LY75: variants seen among roughly 807,000 people sequenced by gnomAD.
LY75 encodes the protein C-type lectin domain family 13 member B.
In LY75, 185 loss-of-function variants were observed where a neutral mutation model predicts 231.7. The ratio of observed to expected loss-of-function variants is 0.80; its 90% confidence interval spans 0.71 to 0.90. The LOEUF is 0.90. Ranked by LOEUF, LY75 falls within the 40% of genes least tolerant of loss-of-function variation. LY75 has a pLI of 0.00. For synonymous variants in LY75, 668 were observed against 689.0 expected (o/e 0.97, Z 0.48); for missense variants, 1,947 against 2,050.2 (o/e 0.95, Z 0.97).
At chr2:159,814,308 T>C (rs756671507) in intron 31 of LY75, among the ~76,000 whole-genome samples, 1 of 152,104 alleles carries the variant, frequency 6.6e-6, no homozygotes, top group African/African-American at 2.4e-5. Context: ...ATTTGGAAAA[T>C]GCTTGGTTAC....
Position 159,860,906 on chromosome 2 carries a change from G to A in LY75, c.2200-17C>T. 1.9e-6 allele frequency: 3 copies of A among 1,613,680 alleles called. No homozygotes were observed. The highest frequency in any genetic ancestry group is 2.5e-6 in the Non-Finnish European group (3 of 1,179,730). ...AGTAGACACCTGAAAAGACAAGAGAGGCTTGAGAATTTAAGACTGATGTAT... is the reference window on the plus strand; with the variant it reads ...AGTAGACACCTGAAAAGACAAGAGAAGCTTGAGAATTTAAGACTGATGTAT... On this transcript the variant is annotated splice_polypyrimidine_tract_variant and intron_variant, in intron 14 of 34. Coordinates refer to ENST00000263636, the MANE Select transcript of LY75 (RefSeq NM_002349.4).
intron 25 of LY75, among the ~76,000 whole-genome samples, chr2:159,837,197 T>G (rs1369984614): frequency 2.0e-5 from 3 of 152,176 alleles, no homozygotes; most frequent in Non-Finnish European, 4.4e-5. Flanking sequence ...CTCATATGTT[T>G]ATTGTAGCAC....
chr2:159,867,407 T>C (rs1172035373), intron 13 of LY75, among the ~76,000 whole-genome samples: 2 of 152,132 alleles, frequency 1.3e-5, no homozygotes, highest in Non-Finnish European at 2.9e-5. Context: ...CTTCCAATGT[T>C]GATTTTAGAA....
intron 28 of LY75, among the ~76,000 whole-genome samples, chr2:159,823,838 C>T (rs572970933): frequency 8.5e-5 from 13 of 152,274 alleles, no homozygotes; most frequent in African/African-American, 2.9e-4. Flanking sequence ...AATTTCATAT[C>T]CAGCCAAACT....
At chr2:159,848,689 G>T (rs1196737205) in intron 23 of LY75, among the ~76,000 whole-genome samples, 1 of 152,150 alleles carries the variant, frequency 6.6e-6, no homozygotes, top group Non-Finnish European at 1.5e-5. Flanking sequence ...AAAAGCCCTA[G>T]AAGAAAAGAT....
At chr2:159,853,157 GAAT>G in intron 20 of LY75, 113 bp downstream of exon 20, 1 of 1,089,022 alleles carries the variant, frequency 9.2e-7, no homozygotes, top group Non-Finnish European at 1.3e-6. Flanking sequence ...TAATAAATCA[GAAT>G]AAGATGAAAT....
intron 8 of LY75, among the ~76,000 whole-genome samples, chr2:159,879,683 A>G (rs1685377444): frequency 6.6e-6 from 1 of 152,182 alleles, no homozygotes; most frequent in Non-Finnish European, 1.5e-5. Context: ...CAGTTCCAGC[A>G]TTCTAGTCTT....
chr2:159,830,009 A>G (rs566912696), intron 28 of LY75, among the ~76,000 whole-genome samples: 8 of 152,330 alleles, frequency 5.3e-5, no homozygotes, highest in African/African-American at 1.9e-4. Flanking sequence ...GTGAAGCCTC[A>G]GAATTTTCCA....
Position 159,853,347 on chromosome 2 carries a change from C to G in LY75, c.2669G>C (p.Arg890Pro). Residue 890 changes from arginine (R) to proline (P), a missense_variant, in exon 20 of 35, where the codon CGA becomes CCA. Physicochemically the swap from Arg to Pro is moderately radical, Grantham distance 103. Transcript: ENST00000263636. ...WPIDDHFTYS[R>P]YPWHRFPVTF... ...CACAGGAAAGCGGTGCCATGGATAT[C>G]GTGAGCTAAAAGAAAATGACAGATT... 1 of 1,612,822 alleles carries G rather than the reference C, an allele frequency of 6.2e-7. No individual in the cohort carries two copies. The highest frequency in any genetic ancestry group is 8.5e-7 in the Non-Finnish European group (1 of 1,179,098).
At chr2:159,831,529 G>T in intron 28 of LY75, 141 bp downstream of exon 28, 1 of 871,684 alleles carries the variant, frequency 1.1e-6, no homozygotes, top group Non-Finnish European at 1.8e-6. Flanking sequence ...AAACTGTCTT[G>T]GTATTTATGT....
chr2:159,842,175 C>CTATATATATATA, intron 24 of LY75, 70 bp downstream of exon 24: 1 of 1,407,152 alleles, frequency 7.1e-7, no homozygotes, highest in African/African-American at 1.8e-5. Context: ...TAGAAAGTGA[C>CTATATATATATA]TCTCTCTCTC....
intron 14 of LY75, among the ~76,000 whole-genome samples, chr2:159,864,419 T>C (rs1366565849): frequency 1.3e-5 from 2 of 152,186 alleles, no homozygotes; most frequent in African/African-American, 4.8e-5. Flanking sequence ...TTTTTGTATA[T>C]GGTATGAGAT....
At chr2:159,842,486 G>T in intron 23 of LY75, 112 bp from the exon 24 acceptor site, 1 of 1,302,460 alleles carries the variant, frequency 7.7e-7, no homozygotes. Flanking sequence ...AGAATTCCAT[G>T]AAGGACCTGA....
chr2:159,855,694 G>T (rs916814414), intron 16 of LY75, among the ~76,000 whole-genome samples: 1 of 152,196 alleles, frequency 6.6e-6, no homozygotes, highest in Non-Finnish European at 1.5e-5. Flanking sequence ...CTCACAGAGA[G>T]TGAAGGTCAC....
At chr2:159,849,510 C>A (rs528695231) in intron 23 of LY75, among the ~76,000 whole-genome samples, 2 of 152,228 alleles carry the variant, frequency 1.3e-5, no homozygotes, top group South Asian at 2.1e-4. Context: ...GTATTTGCTT[C>A]TATTTACAAC....
intron 25 of LY75, among the ~76,000 whole-genome samples, chr2:159,838,947 C>A (rs1021697657): frequency 3.3e-5 from 5 of 152,092 alleles, no homozygotes; most frequent in African/African-American, 1.2e-4. Context: ...AGACGCCCGC[C>A]ATGATACCCA....
In LY75 at chr2:159,854,888, A is replaced by C. The variant is rs1336372061; in HGVS notation, c.2419+16T>G. 1 of 1,613,344 alleles carries C rather than the reference A, an allele frequency of 6.2e-7. No individual in the cohort carries two copies. Among genetic ancestry groups the C allele is most frequent in the Admixed American group, 1.7e-5 (1 of 59,930 alleles). Reference sequence around the variant, plus strand: ...GTAAAAGCAGCTTTGGTTAAATTTCAGTTTTCTTAACTCACCTGGATTGTA... The same window carrying C: ...GTAAAAGCAGCTTTGGTTAAATTTCCGTTTTCTTAACTCACCTGGATTGTA... On this transcript the variant is annotated intron_variant, in intron 17 of 34. Coordinates refer to ENST00000263636, the MANE Select transcript of LY75 (RefSeq NM_002349.4).
rs774666417 is a variant in LY75 at position 159,858,432 on chromosome 2, A to G, written c.2313T>C (p.Asp771=). Residue 771 remains aspartate, a synonymous_variant, in exon 16 of 35, where the codon GAT becomes GAC. Coordinates refer to ENST00000263636, the MANE Select transcript of LY75 (RefSeq NM_002349.4). ...AAGGCCTCAAATAAATAAATTCTCT[A>G]TCATCATAGAAATGCCAGCCTCTTC... ...PWRRGWHFYD[D]REFIYLRPFA... The G allele has an allele frequency of 7.4e-6, 12 of 1,613,506 alleles. No individual in the cohort carries two copies. The Admixed American group carries it at 1.5e-4, about 20-fold the overall frequency.
At position 159,819,830 on chromosome 2, in the gene LY75, G is replaced by A. The variant is rs892329958; in HGVS notation, c.4049C>T (p.Ala1350Val). 1.2e-6 allele frequency: 2 copies of A among 1,614,032 alleles called. No individual in the cohort carries two copies. Among genetic ancestry groups the A allele is most frequent in the Non-Finnish European group, 1.7e-6 (2 of 1,179,968 alleles). The change falls in exon 29 of 35, where the codon GCT becomes GTT. Residue 1350 changes from alanine to valine, a missense_variant. Coordinates refer to ENST00000263636, the MANE Select transcript of LY75 (RefSeq NM_002349.4). The stretch of plus-strand genomic sequence containing the variant: ...CCAGAAGCCGTCAGTACTTAAACCA[G>A]CCAAAAACTTCTCATTTTTTATAGT... ...RPTIKNEKFL[A>V]GLSTDGFWDI...
Sources: gnomAD v4.1 joint callset for allele counts (sites outside exome capture counted in the v4.1 genomes callset) on GRCh38, gnomAD v4.1.1 for gene constraint, MANE v1.5 for transcripts, NCBI Gene and HGNC (gene_info 2026-07-23, HGNC 2026-07-21) for gene names.